Variants in KCTD16 observed in about 807,000 individuals in gnomAD.
KCTD16 encodes the protein BTB/POZ domain-containing protein KCTD16.
In KCTD16, 13 loss-of-function variants were observed where a neutral mutation model predicts 33.2. The observed-to-expected ratio is 0.39, with a 90% CI of 0.25 to 0.62. KCTD16 has a LOEUF of 0.62. KCTD16 is among the 20% of genes least tolerant of loss of function. The pLI is 0.50. For missense variants in KCTD16, 441 were observed against 525.1 expected, an observed-to-expected ratio of 0.84 and a Z score of 1.57; for synonymous variants, 197 against 195.3, an observed-to-expected ratio of 1.01 and a Z score of -0.07.
intron 3 of KCTD16, among the ~76,000 whole-genome samples, chr5:144,362,016 C>G (rs2126917193): frequency 6.6e-6 from 1 of 151,610 alleles, no homozygotes; most frequent in South Asian, 2.1e-4. Flanking sequence ...GAAAATAATT[C>G]TGTAAAATGT....
intron 3 of KCTD16, among the ~76,000 whole-genome samples, chr5:144,419,646 C>T (rs1753164442): frequency 6.6e-6 from 1 of 152,128 alleles, no homozygotes; most frequent in African/African-American, 2.4e-5. Context: ...CCACTTGATA[C>T]CTATAGACCA....
At chr5:144,401,171 A>G (rs996411936) in intron 3 of KCTD16, among the ~76,000 whole-genome samples, 1 of 152,216 alleles carries the variant, frequency 6.6e-6, no homozygotes, top group Non-Finnish European at 1.5e-5. Flanking sequence ...TATACATCAC[A>G]TTCACATTCC....
At chr5:144,296,130 G>A (rs1756027722) in intron 3 of KCTD16, among the ~76,000 whole-genome samples, 1 of 152,164 alleles carries the variant, frequency 6.6e-6, no homozygotes, top group Non-Finnish European at 1.5e-5. Flanking sequence ...AACTTCAGTA[G>A]CTCATGGAAA....
intron 3 of KCTD16, among the ~76,000 whole-genome samples, chr5:144,393,120 A>T (rs1042836585): frequency 6.6e-6 from 1 of 152,206 alleles, no homozygotes; most frequent in African/African-American, 2.4e-5. Context: ...AGCCCTTTTT[A>T]TAGCACTTAG....
chr5:144,319,321 A>G (rs554391655), intron 3 of KCTD16, among the ~76,000 whole-genome samples: 1 of 152,026 alleles, frequency 6.6e-6, no homozygotes, highest in Non-Finnish European at 1.5e-5. Flanking sequence ...TCACACAGCT[A>G]GTTGTGTGAG....
At chr5:144,289,123 A>G (rs1755827916) in intron 3 of KCTD16, among the ~76,000 whole-genome samples, 2 of 152,234 alleles carry the variant, frequency 1.3e-5, no homozygotes, top group South Asian at 4.1e-4. Flanking sequence ...TGTTTTCTTC[A>G]TGGCATAACT....
intron 3 of KCTD16, among the ~76,000 whole-genome samples, chr5:144,260,837 C>T (rs917521646): frequency 1.5e-4 from 23 of 151,448 alleles, no homozygotes; most frequent in Admixed American, 2.6e-4. Flanking sequence ...TTTATCTTGC[C>T]GAAAGAGACT....
At chr5:144,377,232 T>C (rs760267430) in intron 3 of KCTD16, among the ~76,000 whole-genome samples, 6 of 152,192 alleles carry the variant, frequency 3.9e-5, no homozygotes, top group Non-Finnish European at 8.8e-5. Context: ...TCATCTTAAC[T>C]ATAACATTTT....
intron 3 of KCTD16, among the ~76,000 whole-genome samples, chr5:144,294,687 T>G (rs1755989112): frequency 6.6e-6 from 1 of 152,198 alleles, no homozygotes; most frequent in Non-Finnish European, 1.5e-5. Context: ...ATAGCTCAGT[T>G]AGAGCATGGG....
chr5:144,463,505 A>C (rs1754250967), intron 3 of KCTD16, among the ~76,000 whole-genome samples: 1 of 152,176 alleles, frequency 6.6e-6, no homozygotes, highest in Non-Finnish European at 1.5e-5. Flanking sequence ...CCTATCAGAG[A>C]AGCATTGTTA....
At chr5:144,216,385 C>T (rs1462910648) in intron 3 of KCTD16, among the ~76,000 whole-genome samples, 1 of 152,180 alleles carries the variant, frequency 6.6e-6, no homozygotes, top group Non-Finnish European at 1.5e-5. Flanking sequence ...ATACTTCTCT[C>T]CTTTTATTCA....
intron 3 of KCTD16, among the ~76,000 whole-genome samples, chr5:144,271,256 A>G (rs1755285731): frequency 6.6e-6 from 1 of 152,086 alleles, no homozygotes; most frequent in African/African-American, 2.4e-5. Context: ...TGATGCAAAA[A>G]TCCTCACCAA....
At chr5:144,281,422 T>G (rs1486588673) in intron 3 of KCTD16, among the ~76,000 whole-genome samples, 1 of 152,244 alleles carries the variant, frequency 6.6e-6, no homozygotes, top group East Asian at 1.9e-4. Context: ...GAATATTTTC[T>G]ACCTTTCTTC....
At chr5:144,346,624 C>A (rs930846117) in intron 3 of KCTD16, among the ~76,000 whole-genome samples, 2 of 152,028 alleles carry the variant, frequency 1.3e-5, no homozygotes, top group African/African-American at 4.8e-5. Flanking sequence ...ATGTTGAGCA[C>A]CTTTTCATAT....
rs975466251 is a variant in KCTD16 at position 144,274,992 on chromosome 5, G to T, written c.832+67446G>T. Among the ~76,000 whole-genome samples the T allele has an allele frequency of 5.9e-5, 9 of 152,238 alleles. No homozygotes were observed. The East Asian group carries it at 7.7e-4, about 13-fold the overall frequency. ...AAGGTGGCCCTTCCTCTGGTAATAT[G>T]TATTCACACTAAAAAAGATATTTTG... On this transcript the variant is annotated intron_variant, in intron 3 of 3. Coordinates refer to ENST00000512467, the MANE Select transcript of KCTD16 (RefSeq NM_020768.4).
chr5:144,438,262 T>C (rs753428229), intron 3 of KCTD16, among the ~76,000 whole-genome samples: 1 of 152,222 alleles, frequency 6.6e-6, no homozygotes, highest in Non-Finnish European at 1.5e-5. Context: ...TCAAGATATT[T>C]TCATTTTTAA....
intron 3 of KCTD16, among the ~76,000 whole-genome samples, chr5:144,296,941 G>A (rs1022022632): frequency 6.6e-6 from 1 of 152,096 alleles, no homozygotes; most frequent in African/African-American, 2.4e-5. Context: ...TAATACCCAA[G>A]GAAAAACAGC....
At chr5:144,250,002 C>G (rs1754654191) in intron 3 of KCTD16, among the ~76,000 whole-genome samples, 1 of 152,194 alleles carries the variant, frequency 6.6e-6, no homozygotes, top group African/African-American at 2.4e-5. Context: ...AGAGCCAAAT[C>G]AGATTTATTA....
intron 3 of KCTD16, among the ~76,000 whole-genome samples, chr5:144,222,507 A>G (rs1241353450): frequency 6.6e-6 from 1 of 152,192 alleles, no homozygotes; most frequent in East Asian, 1.9e-4. Flanking sequence ...TTCTCAAAAG[A>G]AGACATTTAT....
Sources: allele counts gnomAD v4.1 joint callset (sites outside exome capture counted in the v4.1 genomes callset), GRCh38; gene constraint gnomAD v4.1.1; transcripts MANE v1.5; gene names NCBI Gene and HGNC (gene_info 2026-07-23, HGNC 2026-07-21).